Variants in UGT1A6 observed in about 807,000 individuals in gnomAD.
UGT1A6 encodes the protein UDP glucuronosyltransferase family 1 member A6.
UGT1A6 carries 32 observed loss-of-function variants against 44.4 expected under a neutral mutation model. The observed-to-expected ratio is 0.72, with a 90% confidence interval of 0.54 to 0.97. The LOEUF (loss-of-function observed/expected upper bound fraction) is 0.97, where lower values mean the gene tolerates loss of function less well. Ranked by LOEUF, UGT1A6 falls within the 50% of genes least tolerant of loss-of-function variation. UGT1A6 has a pLI of 0.00. For synonymous variants in UGT1A6, 238 were observed against 248.5 expected, an observed-to-expected ratio of 0.96 and a Z score of 0.40; for missense variants, 685 against 661.9, an observed-to-expected ratio of 1.03 and a Z score of -0.38.
chr2:233,758,615 C>CA (rs1696924799), intron 1 of UGT1A6, among the ~76,000 whole-genome samples: 1 of 152,110 alleles, frequency 6.6e-6, no homozygotes, highest in Non-Finnish European at 1.5e-5. Flanking sequence ...TGTGCATGTG[C>CA]ATGCAAAGTA....
intron 1 of UGT1A6, among the ~76,000 whole-genome samples, chr2:233,698,139 C>A (rs1179532977): frequency 6.6e-6 from 1 of 152,188 alleles, no homozygotes; most frequent in South Asian, 2.1e-4. Context: ...TGTGTCTCAA[C>A]TGTATTCCCA....
At chr2:233,770,790 G>GAT (rs1474818165) in intron 4 of UGT1A6, 3 of 152,110 alleles carry the variant, frequency 2.0e-5, no homozygotes, top group African/African-American at 7.2e-5. Context: ...TAACATTATA[G>GAT]ATATGTTTAA....
intron 1 of UGT1A6, among the ~76,000 whole-genome samples, chr2:233,717,495 T>C (rs979410742): frequency 1.3e-5 from 2 of 152,220 alleles, no homozygotes; most frequent in Admixed American, 6.5e-5. Flanking sequence ...CTGTTATCAA[T>C]GTGGATTTCT....
intron 1 of UGT1A6, chr2:233,748,014 C>G: frequency 6.2e-7 from 1 of 1,613,488 alleles, no homozygotes; most frequent in Non-Finnish European, 8.5e-7. Flanking sequence ...TTACCCCAGG[C>G]CGATCATGCC....
rs1700550070 is a variant in UGT1A6, at chr2:233,772,816, C to A, written c.*257C>A. 3 of 1,016,374 alleles carry A rather than the reference C, an allele frequency of 3.0e-6. No individual in the cohort carries two copies. The highest frequency in any genetic ancestry group is 3.1e-5 in the Admixed American group (1 of 31,990). 63.0% of individuals were successfully genotyped at this position (1,016,374 alleles called of 1,614,324 possible). ...CATGTGCCATTTTTCAGAGGACGTG[C>A]AGACAGGCTGGCATTCTAGATTACT... On this transcript the variant is annotated 3_prime_UTR_variant, in exon 5 of 5. Transcript: ENST00000305139.
chr2:233,762,127 G>T (rs528651361), intron 1 of UGT1A6, among the ~76,000 whole-genome samples: 5 of 152,204 alleles, frequency 3.3e-5, no homozygotes, highest in African/African-American at 1.2e-4. Flanking sequence ...TGAGCCATGT[G>T]GGGACCTGTG....
At chr2:233,755,199 C>A (rs1448845057) in intron 1 of UGT1A6, 6 of 1,106,350 alleles carry the variant, frequency 5.4e-6, no homozygotes, top group South Asian at 1.2e-5. Flanking sequence ...CGCCAGCTTG[C>A]GGTACGCCTT....
At chr2:233,709,190 T>C (rs2076063708) in intron 1 of UGT1A6, among the ~76,000 whole-genome samples, 2 of 152,114 alleles carry the variant, frequency 1.3e-5, no homozygotes, top group East Asian at 3.9e-4. Flanking sequence ...GAGCTGGGAG[T>C]GGATCCTCAC....
chr2:233,772,537 C>T lies in UGT1A6; in HGVS notation c.1577C>T (p.Ala526Val). 1 of 1,614,090 alleles carries T rather than the reference C, an allele frequency of 6.2e-7. No individual in the cohort carries two copies. Among genetic ancestry groups the T allele is most frequent in the South Asian group, 1.1e-5 (1 of 91,078 alleles). ...GGGAAAAAAGGGCGAGTTAAGAAAG[C>T]CCACAAATCCAAGACCCATTGAGAA... ...CLGKKGRVKK[A>V]HKSKTH Residue 526 changes from alanine to valine, a missense_variant, in exon 5 of 5, where the codon GCC becomes GTC. Ala to Val is a moderately conservative substitution (Grantham distance 64, BLOSUM62 0). Transcript: ENST00000305139.
At chr2:233,720,438 T>C (rs553453091) in intron 1 of UGT1A6, among the ~76,000 whole-genome samples, 3 of 152,172 alleles carry the variant, frequency 2.0e-5, no homozygotes, top group African/African-American at 7.2e-5. Context: ...ACCGTGAATC[T>C]ATAAGCCCAG....
In UGT1A6 at chr2:233,719,639, G is replaced by A. The variant is rs771839689; in HGVS notation, c.861+25774G>A. The A allele has an allele frequency of 2.5e-6, 4 of 1,614,048 alleles. No individual in the cohort carries two copies. In the Admixed American group the frequency reaches 6.7e-5, roughly 27 times the overall value. ...ACCCCAGGCCGATCATGCCCAACAT[G>A]GTCTTCATTGGGGGCATCAACTGTG... On this transcript the variant is annotated intron_variant, in intron 1 of 4. Coordinates refer to ENST00000305139, the MANE Select transcript of UGT1A6 (RefSeq NM_001072.4).
chr2:233,701,408 C>A (rs2075626075), intron 1 of UGT1A6, among the ~76,000 whole-genome samples: 1 of 152,062 alleles, frequency 6.6e-6, no homozygotes, highest in Non-Finnish European at 1.5e-5. Flanking sequence ...GACTTTAACA[C>A]CCCACTGTCA....
intron 1 of UGT1A6, among the ~76,000 whole-genome samples, chr2:233,764,942 G>A (rs12479045): frequency 6.6e-5 from 10 of 152,198 alleles, no homozygotes; most frequent in African/African-American, 1.9e-4. Flanking sequence ...TGAGAGTGGC[G>A]GGGAGAGAGG....
chr2:233,739,435 C>A (rs1691098956), intron 1 of UGT1A6, among the ~76,000 whole-genome samples: 1 of 152,206 alleles, frequency 6.6e-6, no homozygotes, highest in Admixed American at 6.5e-5. Flanking sequence ...GAGGGCTTTA[C>A]CCTGCAAAGC....
At chr2:233,770,376 A>T (rs1000336049) in intron 4 of UGT1A6, 3 of 152,228 alleles carry the variant, frequency 2.0e-5, no homozygotes, top group African/African-American at 4.8e-5. Flanking sequence ...AGTTCTGGCC[A>T]GGTACGGTGG....
At chr2:233,710,322 C>T (rs2076126104) in intron 1 of UGT1A6, among the ~76,000 whole-genome samples, 1 of 152,166 alleles carries the variant, frequency 6.6e-6, no homozygotes, top group Non-Finnish European at 1.5e-5. Flanking sequence ...GTATGTATGA[C>T]TTCATAAGAA....
chr2:233,724,346 CCCA>C (rs2077232466), intron 1 of UGT1A6, among the ~76,000 whole-genome samples: 1 of 148,186 alleles, frequency 6.7e-6, no homozygotes, highest in Non-Finnish European at 1.5e-5. Context: ...GCTGACCCCC[CCCA>C]CCTCCCTCCC....
chr2:233,751,463 C>T lies in UGT1A6; in HGVS notation c.862-15571C>T, dbSNP rs191766530. ...ACTTTGGAAGATTGTTGGGAAGGCA[C>T]GATTGGTTTTGAAATGTGAAAAGAC... On this transcript the variant is annotated intron_variant, in intron 1 of 4. Transcript: ENST00000305139. Among the ~76,000 whole-genome samples, 221 of 152,178 alleles carry T rather than the reference C, an allele frequency of 1.5e-3. 1 individual carries two copies. Among genetic ancestry groups the T allele is most frequent in the African/African-American group, 4.9e-3 (203 of 41,476 alleles).
chr2:233,703,244 G>T (rs893110663), intron 1 of UGT1A6, among the ~76,000 whole-genome samples: 31 of 152,172 alleles, frequency 2.0e-4, no homozygotes, highest in African/African-American at 7.2e-4. Context: ...AAATGGCCCA[G>T]AGTGTTCCCT....
Sources: gnomAD v4.1 joint callset for allele counts (sites outside exome capture counted in the v4.1 genomes callset) on GRCh38, gnomAD v4.1.1 for gene constraint, MANE v1.5 for transcripts, NCBI Gene and HGNC (gene_info 2026-07-23, HGNC 2026-07-21) for gene names.